PPAT: variants seen among roughly 807,000 people sequenced by gnomAD.
The protein encoded by PPAT is amidophosphoribosyltransferase.
PPAT carries 20 observed loss-of-function variants against 60.2 expected under a neutral mutation model. That is an observed-to-expected ratio of 0.33 (90% CI 0.23 to 0.48). The LOEUF (loss-of-function observed/expected upper bound fraction) is 0.48, where lower values mean the gene tolerates loss of function less well. PPAT is among the 20% of genes least tolerant of loss of function. The pLI, the probability that PPAT is intolerant of heterozygous loss-of-function variation, is 0.99. For missense variants in PPAT, 349 were observed against 629.6 expected (o/e 0.55, Z 4.77); for synonymous variants, 194 against 215.1 (o/e 0.90, Z 0.86).
chr4:56,398,297 G>A (rs1387230740), intron 9 of PPAT, among the ~76,000 whole-genome samples: 1 of 151,990 alleles, frequency 6.6e-6, no homozygotes, highest in African/African-American at 2.4e-5. Context: ...TTGAGCCCCA[G>A]AAGCAGAGGT....
In PPAT at chr4:56,396,599, A is replaced by G. The variant is rs1314945245; in HGVS notation, c.1357+20T>C. 2 of 1,585,550 alleles carry G rather than the reference A, an allele frequency of 1.3e-6. No homozygotes were observed. Among genetic ancestry groups the G allele is most frequent in the Non-Finnish European group, 1.7e-6 (2 of 1,159,930 alleles). ...TTTTCTCTGTTAATAATCAAAGTTT[A>G]TAGAAATTTTAATACTTACCTAGAT... is the stretch of plus-strand genomic sequence containing the variant. On this transcript the variant is annotated intron_variant, in intron 10 of 10. Transcript: ENST00000264220. This position sits in a 1 kb window ranked among gnomAD's most constrained non-coding sequence, Gnocchi z 4.6.
intron 1 of PPAT, among the ~76,000 whole-genome samples, chr4:56,424,464 A>G (rs1033459076): frequency 1.3e-5 from 2 of 152,190 alleles, no homozygotes; most frequent in Admixed American, 6.5e-5. Context: ...GGGAAGAAAA[A>G]TTTGCTAATG....
At chr4:56,404,370 T>C (rs1462811651) in intron 3 of PPAT, among the ~76,000 whole-genome samples, 1 of 152,230 alleles carries the variant, frequency 6.6e-6, no homozygotes, top group East Asian at 1.9e-4. Flanking sequence ...CCTCATTGAT[T>C]ATTACTGATA....
intron 6 of PPAT, 25 bp from the exon 7 acceptor site, chr4:56,401,506 A>T: frequency 6.4e-7 from 1 of 1,560,270 alleles, no homozygotes; most frequent in Non-Finnish European, 8.7e-7. Flanking sequence ...TTAAAGAAAG[A>T]AGACTTTTAA....
intron 1 of PPAT, chr4:56,419,920 T>C: frequency 1.0e-6 from 1 of 984,402 alleles, no homozygotes; most frequent in Non-Finnish European, 1.2e-6. Flanking sequence ...ACTAAGAGTA[T>C]GAAATTTTTT....
At chr4:56,398,244 C>G (rs1716029220) in intron 9 of PPAT, among the ~76,000 whole-genome samples, 1 of 151,956 alleles carries the variant, frequency 6.6e-6, no homozygotes, top group Non-Finnish European at 1.5e-5. Flanking sequence ...ATGGCACATG[C>G]CTATAGTTGC....
At chr4:56,416,639 T>C (rs1046339737) in intron 1 of PPAT, among the ~76,000 whole-genome samples, 9 of 152,218 alleles carry the variant, frequency 5.9e-5, no homozygotes, top group South Asian at 2.1e-4. Context: ...CCTAGAAATA[T>C]TGGTTCTCTA....
At chr4:56,428,815 TA>T in intron 1 of PPAT, 1 of 162,296 alleles carries the variant, frequency 6.2e-6, no homozygotes, top group South Asian at 2.0e-4. Context: ...TCCTAATTCT[TA>T]ACTCATTCTT....
intron 1 of PPAT, among the ~76,000 whole-genome samples, chr4:56,414,908 C>T (rs1455651420): frequency 6.6e-6 from 1 of 152,124 alleles, no homozygotes; most frequent in Non-Finnish European, 1.5e-5. Flanking sequence ...AATTATAAAA[C>T]CTGATTTAAA....
chr4:56,423,694 T>C (rs1004456292), intron 1 of PPAT, among the ~76,000 whole-genome samples: 1 of 151,782 alleles, frequency 6.6e-6, no homozygotes, highest in African/African-American at 2.4e-5. Context: ...GCATGCCAAA[T>C]ATGAAATATT....
chr4:56,419,710 G>A (rs1716945170), intron 1 of PPAT: 1 of 981,656 alleles, frequency 1.0e-6, no homozygotes, highest in Non-Finnish European at 1.2e-6. Context: ...CCAGAAGTCA[G>A]GGCTCTAATA....
chr4:56,395,677 A>T, intron 10 of PPAT, 129 bp from the exon 11 acceptor site: 3 of 509,994 alleles, frequency 5.9e-6, no homozygotes, highest in Non-Finnish European at 5.5e-6. Context: ...CTTTCTTTAA[A>T]AAAAAAAAAA....
intron 1 of PPAT, chr4:56,410,453 G>C (rs2139512): frequency 0.67 from 615,883 of 914,172 alleles, 207,739 homozygotes; most frequent in South Asian, 0.77. Context: ...AACCAGCCAT[G>C]TGGTTTCCTA....
At chr4:56,420,639 G>A (rs1452613630) in intron 1 of PPAT, 1 of 152,118 alleles carries the variant, frequency 6.6e-6, no homozygotes, top group South Asian at 2.1e-4. Flanking sequence ...TTTTAATAAA[G>A]CAAATATGCA....
In PPAT at chr4:56,398,954, AAGCTTTTATATTG is replaced by A. The variant is rs113151233; in HGVS notation, c.1236+212_1236+224del. ...GGCATGAGCTACCTCGCCCAGCCTT[AAGCTTTTATATTG>A]AGCTTTTTTAATCTATTAAGGATTA... On this transcript the variant is annotated intron_variant, in intron 9 of 10. Coordinates refer to ENST00000264220, the MANE Select transcript of PPAT (RefSeq NM_002703.5). 3.7e-4 allele frequency among the ~76,000 whole-genome samples: 56 copies of A among 152,228 alleles called. 1 individual carries two copies. Among genetic ancestry groups the A allele is most frequent in the African/African-American group, 1.2e-3 (51 of 41,550 alleles).
rs575699835 is a variant in PPAT at position 56,435,585 on chromosome 4, C to T, written c.-108G>A. The stretch of plus-strand genomic sequence containing the variant: ...CTCAGAAGCTCGCGCTCGCGACAGG[C>T]TCTTCCTTCCCGAGGGTGGCCCCAG... On this transcript the variant is annotated 5_prime_UTR_variant, in exon 1 of 11. Coordinates refer to ENST00000264220, the MANE Select transcript of PPAT (RefSeq NM_002703.5). 1.7e-5 allele frequency: 26 copies of T among 1,569,124 alleles called. No individual in the cohort carries two copies. The highest frequency in any genetic ancestry group is 8.1e-5 in the African/African-American group (6 of 74,236).
In PPAT at chr4:56,403,107, T is replaced by G; in HGVS notation, c.594A>C (p.Arg198=). 1 of 1,612,690 alleles carries G rather than the reference T, an allele frequency of 6.2e-7. No individual in the cohort carries two copies. The highest frequency in any genetic ancestry group is 1.1e-5 in the South Asian group (1 of 91,020). ...ATAAGGGACGATTTCCATAAGGATC[T>G]CGTACTGCATAAATAACATCTCTGT... The part of the protein sequence containing the change: ...IMHRDVIYAV[R]DPYGNRPLCI... Residue 198 remains arginine, a synonymous_variant, in exon 5 of 11, where the codon CGA becomes CGC. Coordinates refer to ENST00000264220, the MANE Select transcript of PPAT (RefSeq NM_002703.5).
At chr4:56,400,678 G>C (rs1716088125) in intron 8 of PPAT, 106 bp downstream of exon 8, 10 of 1,227,472 alleles carry the variant, frequency 8.1e-6, no homozygotes, top group Non-Finnish European at 1.1e-5. Context: ...AACCACCAAA[G>C]CTTCCTTTCT....
chr4:56,424,852 G>A (rs1276266044), intron 1 of PPAT, among the ~76,000 whole-genome samples: 2 of 152,114 alleles, frequency 1.3e-5, no homozygotes, highest in South Asian at 2.1e-4. Context: ...ATGTATTCCC[G>A]CAAGCCACTG....
Sources: gnomAD v4.1 joint callset for allele counts (sites outside exome capture counted in the v4.1 genomes callset) on GRCh38, gnomAD v4.1.1 for gene constraint, Gnocchi (gnomAD v3.1) non-coding constraint, MANE v1.5 for transcripts, NCBI Gene and HGNC (gene_info 2026-07-23, HGNC 2026-07-21) for gene names.